The following EEF1E1 variants were observed in gnomAD, a reference collection of about 807,000 sequenced individuals.
EEF1E1 encodes the protein eukaryotic translation elongation factor 1 epsilon 1.
A neutral mutation model predicts 19.9 loss-of-function variants in EEF1E1; 19 were observed. The ratio of observed to expected loss-of-function variants is 0.95; its 90% CI spans 0.66 to 1.40. EEF1E1 has a LOEUF of 1.40. EEF1E1 is among the 40% of genes most tolerant of loss of function. The probability of loss-of-function intolerance (pLI) is 0.00; values close to 1 mark genes in which losing one functional copy is unlikely to be tolerated. For missense variants in EEF1E1, 198 were observed against 202.2 expected (o/e 0.98, Z 0.13); for synonymous variants, 81 against 80.0 (o/e 1.01, Z -0.07).
intron 3 of EEF1E1, among the ~76,000 whole-genome samples, chr6:8,074,337 T>G (rs376470979): frequency 6.6e-6 from 1 of 152,184 alleles, no homozygotes; most frequent in Non-Finnish European, 1.5e-5. Flanking sequence ...ACACTTATAC[T>G]TTTCTCAGTC....
At chr6:8,101,243 A>AAAAAAAAAAAAAATATAT (rs1271033598) in intron 1 of EEF1E1, among the ~76,000 whole-genome samples, 4 of 58,470 alleles carry the variant, frequency 6.8e-5, no homozygotes, top group South Asian at 7.3e-4. Flanking sequence ...AAAAAAAAAA[A>AAAAAAAAAAAAAATATAT]ATATATATAT....
intron 1 of EEF1E1, among the ~76,000 whole-genome samples, chr6:8,099,747 CAA>C (rs199818821): frequency 3.0e-4 from 26 of 87,032 alleles, no homozygotes; most frequent in Non-Finnish European, 5.1e-4. Flanking sequence ...AGCTCCGCCT[CAA>C]AAACACACAC....
At chr6:8,097,182 A>C in intron 2 of EEF1E1, 85 bp downstream of exon 2, 1 of 1,376,070 alleles carries the variant, frequency 7.3e-7, no homozygotes, top group Non-Finnish European at 1.0e-6. Flanking sequence ...GAAGAAGGCC[A>C]ACAGCTACAG....
intron 3 of EEF1E1, among the ~76,000 whole-genome samples, chr6:8,086,847 C>A (rs1757870626): frequency 6.6e-6 from 1 of 152,112 alleles, no homozygotes; most frequent in South Asian, 2.1e-4. Context: ...TTACCTCAGA[C>A]AATGGTGTTA....
intron 3 of EEF1E1, among the ~76,000 whole-genome samples, chr6:8,085,867 C>T (rs1460136550): frequency 6.6e-6 from 1 of 152,170 alleles, no homozygotes; most frequent in African/African-American, 2.4e-5. Flanking sequence ...GAGATTAGCA[C>T]TGGATTCCAT....
intron 1 of EEF1E1, among the ~76,000 whole-genome samples, chr6:8,101,359 T>TATATA (rs70982143): frequency 0.072 from 10,233 of 141,706 alleles, 589 homozygotes; most frequent in East Asian, 0.23. Context: ...ACATATATAT[T>TATATA]ATATAATATA....
intron 2 of EEF1E1, 60 bp from the exon 3 acceptor site, chr6:8,090,341 TATC>T: frequency 8.3e-7 from 1 of 1,207,616 alleles, no homozygotes; most frequent in Non-Finnish European, 1.1e-6. Flanking sequence ...TAAAGTTAAT[TATC>T]ATATCATGAC....
chr6:8,090,179 TACTC>T lies in EEF1E1; in HGVS notation c.384+3_384+6del. The T allele has an allele frequency of 6.6e-7, 1 of 1,519,396 alleles. No individual in the cohort carries two copies. Among genetic ancestry groups the T allele is most frequent in the Non-Finnish European group, 8.8e-7 (1 of 1,138,280 alleles). 94.1% of individuals were successfully genotyped at this position (1,519,396 alleles called of 1,614,324 possible). ...GAAAAAAAGCCAGTAACTATACAAA[TACTC>T]ACTATAAAGCGATGAAGTCCATAGT... On this transcript the variant is annotated splice_donor_5th_base_variant and intron_variant, in intron 3 of 3. Coordinates refer to ENST00000379715, the MANE Select transcript of EEF1E1 (RefSeq NM_004280.5).
At chr6:8,073,803 C>T (rs1757533246) in intron 3 of EEF1E1, among the ~76,000 whole-genome samples, 1 of 152,130 alleles carries the variant, frequency 6.6e-6, no homozygotes, top group South Asian at 2.1e-4. Context: ...AACAAAATAT[C>T]TTATACAATT....
chr6:8,097,694 C>T (rs1454617328), intron 1 of EEF1E1, among the ~76,000 whole-genome samples: 6 of 151,990 alleles, frequency 3.9e-5, no homozygotes, highest in Non-Finnish European at 7.4e-5. Flanking sequence ...TGCAAAAATC[C>T]GTATAATATT....
chr6:8,080,069 G>A (rs373633333), intron 3 of EEF1E1, 39 bp from the exon 4 acceptor site: 102 of 1,603,492 alleles, frequency 6.4e-5, no homozygotes, highest in Non-Finnish European at 8.1e-5. Context: ...CAACACAGAT[G>A]TTACATAAGC....
At chr6:8,075,655 C>G (rs759322077), downstream of EEF1E1, among the ~76,000 whole-genome samples, 2 of 152,180 alleles carry the variant, frequency 1.3e-5, no homozygotes, top group Non-Finnish European at 1.5e-5. Context: ...GTCAATGGCT[C>G]CTCATTGATC....
chr6:8,086,509 T>C lies in EEF1E1; in HGVS notation c.384+3677A>G, dbSNP rs79612152. Among the ~76,000 whole-genome samples the C allele has an allele frequency of 1.8e-3, 272 of 152,246 alleles. 3 individuals are homozygous for C. The highest frequency in any genetic ancestry group is 6.3e-3 in the African/African-American group (261 of 41,548). On this transcript the variant is annotated intron_variant, in intron 3 of 3. Coordinates refer to ENST00000379715, the MANE Select transcript of EEF1E1 (RefSeq NM_004280.5). ...GCAGATAGCAGCCCCAAACCATGGA[T>C]AGGTTGGGGCCTGCGCAGACCTCAA...
chr6:8,077,178 C>G (rs538930188), downstream of EEF1E1, among the ~76,000 whole-genome samples: 1 of 152,204 alleles, frequency 6.6e-6, no homozygotes, highest in Admixed American at 6.5e-5. Context: ...CTCCTGACCT[C>G]GTGATCCGCC....
chr6:8,100,635 A>C (rs945855055), intron 1 of EEF1E1, among the ~76,000 whole-genome samples: 2 of 152,070 alleles, frequency 1.3e-5, no homozygotes, highest in African/African-American at 4.8e-5. Flanking sequence ...TTCAGCACAC[A>C]ACTGAAGTAC....
intron 3 of EEF1E1, chr6:8,073,597 C>G: frequency 6.7e-7 from 1 of 1,496,200 alleles, no homozygotes; most frequent in South Asian, 1.3e-5. Flanking sequence ...TAAATGTTAT[C>G]TATTATTGTT....
intron 3 of EEF1E1, among the ~76,000 whole-genome samples, chr6:8,087,216 G>A (rs2113647122): frequency 6.6e-6 from 1 of 152,284 alleles, no homozygotes; most frequent in East Asian, 1.9e-4. Context: ...TAGCAAGGGA[G>A]GCAGGAGTCA....
intron 1 of EEF1E1, among the ~76,000 whole-genome samples, chr6:8,099,884 G>C (rs1177947570): frequency 6.6e-6 from 1 of 151,168 alleles, no homozygotes; most frequent in Admixed American, 6.6e-5. Flanking sequence ...TAAATAACAC[G>C]TGACTGTATG....
chr6:8,093,411 T>C (rs1758078425), intron 2 of EEF1E1, among the ~76,000 whole-genome samples: 2 of 151,812 alleles, frequency 1.3e-5, no homozygotes, highest in South Asian at 2.1e-4. Flanking sequence ...GATTTTTCTT[T>C]TTCCTTCCAT....
Sources: gnomAD v4.1 joint callset for allele counts (sites outside exome capture counted in the v4.1 genomes callset) on GRCh38, gnomAD v4.1.1 for gene constraint, MANE v1.5 for transcripts, NCBI Gene and HGNC (gene_info 2026-07-23, HGNC 2026-07-21) for gene names.